Variants in KCNH7 observed in about 807,000 individuals in gnomAD.
KCNH7 encodes the protein voltage-gated inwardly rectifying potassium channel KCNH7.
A neutral mutation model predicts 120.8 loss-of-function variants in KCNH7; 49 were observed. The observed-to-expected ratio is 0.41, with a 90% CI of 0.32 to 0.51. KCNH7 has a LOEUF of 0.51. KCNH7 is among the 20% of genes least tolerant of loss of function. The pLI is 0.38. For missense variants in KCNH7, 1,097 were observed against 1,446.6 expected, an observed-to-expected ratio of 0.76 and a Z score of 3.92; for synonymous variants, 547 against 516.1, an observed-to-expected ratio of 1.06 and a Z score of -0.81.
chr2:162,553,317 G>A (rs1050061917), intron 2 of KCNH7, among the ~76,000 whole-genome samples: 1 of 152,168 alleles, frequency 6.6e-6, no homozygotes, highest in Admixed American at 6.5e-5. Context: ...TCACTAAAGA[G>A]CCACAGGGGG....
chr2:162,507,894 G>A (rs551956397), intron 5 of KCNH7, among the ~76,000 whole-genome samples: 6 of 151,488 alleles, frequency 4.0e-5, no homozygotes, highest in Middle Eastern at 3.4e-3. Flanking sequence ...TTATACTCCT[G>A]CTGTACCATT....
At chr2:162,415,146 T>C (rs1687502726) in intron 9 of KCNH7, among the ~76,000 whole-genome samples, 1 of 151,726 alleles carries the variant, frequency 6.6e-6, no homozygotes, top group African/African-American at 2.4e-5. Flanking sequence ...TTGTCCTTTT[T>C]TTAAAAAAAA....
intron 2 of KCNH7, among the ~76,000 whole-genome samples, chr2:162,563,311 G>A (rs1233610629): frequency 6.6e-6 from 1 of 152,174 alleles, no homozygotes; most frequent in African/African-American, 2.4e-5. Context: ...GTACCATTTA[G>A]TAAGCAGCAA....
intron 2 of KCNH7, among the ~76,000 whole-genome samples, chr2:162,766,737 CAA>C (rs1682824772): frequency 6.6e-6 from 1 of 151,946 alleles, no homozygotes; most frequent in South Asian, 2.1e-4. Flanking sequence ...TCAACATACA[CAA>C]AAGTTATAAA....
chr2:162,681,904 G>T (rs115196194), intron 2 of KCNH7, among the ~76,000 whole-genome samples: 2 of 151,200 alleles, frequency 1.3e-5, no homozygotes, highest in African/African-American at 4.9e-5. Context: ...CAAAAGTCAT[G>T]AGAGATAAAG....
chr2:162,613,500 G>A (rs1228973861), intron 2 of KCNH7, among the ~76,000 whole-genome samples: 1 of 151,926 alleles, frequency 6.6e-6, no homozygotes, highest in Non-Finnish European at 1.5e-5. Flanking sequence ...GAAGCCTGTT[G>A]TTGCAGCCTG....
At chr2:162,442,404 A>G (rs924795571) in intron 7 of KCNH7, among the ~76,000 whole-genome samples, 1 of 152,118 alleles carries the variant, frequency 6.6e-6, no homozygotes, top group African/African-American at 2.4e-5. Flanking sequence ...CATAGATTAC[A>G]TAATATAGAT....
chr2:162,490,744 A>G (rs1690273901), intron 6 of KCNH7, among the ~76,000 whole-genome samples: 1 of 152,168 alleles, frequency 6.6e-6, no homozygotes, highest in Non-Finnish European at 1.5e-5. Flanking sequence ...CCTCTTTGCA[A>G]TCCAGACTTT....
intron 6 of KCNH7, among the ~76,000 whole-genome samples, chr2:162,454,051 G>A (rs113000901): frequency 2.8e-4 from 42 of 152,062 alleles, no homozygotes; most frequent in African/African-American, 9.2e-4. Context: ...CTAAATGGTA[G>A]TGCCTAGGTT....
chr2:162,499,780 T>C (rs1258395580), intron 6 of KCNH7, among the ~76,000 whole-genome samples: 1 of 152,156 alleles, frequency 6.6e-6, no homozygotes, highest in African/African-American at 2.4e-5. Flanking sequence ...GCACTGGTCA[T>C]ACAAACACCT....
intron 2 of KCNH7, among the ~76,000 whole-genome samples, chr2:162,644,904 G>T (rs1272274154): frequency 2.0e-5 from 3 of 151,888 alleles, no homozygotes; most frequent in Non-Finnish European, 2.9e-5. Flanking sequence ...TTTAACCAGG[G>T]TTATTTGACC....
At chr2:162,378,018 C>A (rs1686273643) in intron 14 of KCNH7, among the ~76,000 whole-genome samples, 1 of 152,128 alleles carries the variant, frequency 6.6e-6, no homozygotes, top group African/African-American at 2.4e-5. Flanking sequence ...CATGACAGAG[C>A]AACCAGGTGA....
intron 2 of KCNH7, among the ~76,000 whole-genome samples, chr2:162,749,508 A>G (rs1574338767): frequency 1.3e-5 from 2 of 152,332 alleles, no homozygotes; most frequent in South Asian, 4.1e-4. Flanking sequence ...AGTAAATTAT[A>G]TAACATGTTA....
intron 2 of KCNH7, among the ~76,000 whole-genome samples, chr2:162,714,210 GT>G (rs1458568968): frequency 6.6e-6 from 1 of 152,156 alleles, no homozygotes; most frequent in Non-Finnish European, 1.5e-5. Context: ...TATATTAATA[GT>G]TTTTGTTGCC....
intron 2 of KCNH7, among the ~76,000 whole-genome samples, chr2:162,821,149 C>T (rs939737123): frequency 5.3e-5 from 8 of 152,274 alleles, no homozygotes; most frequent in Admixed American, 1.3e-4. Flanking sequence ...CTATCCACAC[C>T]CACACTTTAA....
At chr2:162,736,423 T>C (rs1687912611) in intron 2 of KCNH7, among the ~76,000 whole-genome samples, 1 of 152,246 alleles carries the variant, frequency 6.6e-6, no homozygotes, top group Non-Finnish European at 1.5e-5. Context: ...CCATCAGATA[T>C]GATTTACATC....
chr2:162,622,178 C>T (rs1574182617), intron 2 of KCNH7, among the ~76,000 whole-genome samples: 1 of 152,170 alleles, frequency 6.6e-6, no homozygotes, highest in Non-Finnish European at 1.5e-5. Flanking sequence ...TCTGTGTGTG[C>T]TGCCCAGAGG....
At position 162,371,624 on chromosome 2, in the gene KCNH7, A is replaced by G; in HGVS notation, c.*205T>C. ...GCCGTGAGATGCTGGCAGTTTTAAC[A>G]TTTGGAACCAAAAGTTCTTATGTAT... On this transcript the variant is annotated 3_prime_UTR_variant, in exon 16 of 16. Transcript: ENST00000332142. The G allele has an allele frequency of 1.3e-6, 1 of 795,686 alleles. No individual in the cohort carries two copies. The highest frequency in any genetic ancestry group is 2.8e-5 in the East Asian group (1 of 35,458). The allele number at this position is 795,686 out of a possible 1,614,324, so 49.3% of individuals were successfully genotyped here. A position where few individuals can be genotyped will look rare whatever the true frequency, so the allele number is the denominator to read the frequency against.
At chr2:162,626,513 T>C (rs572047333) in intron 2 of KCNH7, among the ~76,000 whole-genome samples, 1 of 152,272 alleles carries the variant, frequency 6.6e-6, no homozygotes, top group Admixed American at 6.5e-5. Flanking sequence ...ACAAAGTTTA[T>C]TTTACCTGCA....
Sources: allele counts gnomAD v4.1 joint callset (sites outside exome capture counted in the v4.1 genomes callset), GRCh38; gene constraint gnomAD v4.1.1; transcripts MANE v1.5; gene names NCBI Gene and HGNC (gene_info 2026-07-23, HGNC 2026-07-21).